CTPS1: variants seen among roughly 807,000 people sequenced by gnomAD.
CTPS1 encodes the protein CTP synthase 1, also known as CTP synthetase 1.
In CTPS1, 25 loss-of-function variants were observed where a neutral mutation model predicts 80.5. That is an observed-to-expected ratio of 0.31 (90% CI 0.23 to 0.43). The LOEUF is 0.43. CTPS1 is among the 20% of genes least tolerant of loss of function. The pLI is 1.00. For missense variants in CTPS1, 442 were observed against 725.7 expected, an observed-to-expected ratio of 0.61 and a Z score of 4.49; for synonymous variants, 267 against 252.5, an observed-to-expected ratio of 1.06 and a Z score of -0.54.
At chr1:40,993,868 TC>T (rs2148401536) in intron 7 of CTPS1, among the ~76,000 whole-genome samples, 1 of 146,196 alleles carries the variant, frequency 6.8e-6, no homozygotes, top group African/African-American at 2.5e-5. Flanking sequence ...CATCTCTGTC[TC>T]CCGTGTTCAA....
At position 41,009,599 on chromosome 1, in the gene CTPS1, C is replaced by T; in HGVS notation, c.1691+10C>T. 1.2e-6 allele frequency: 2 copies of T among 1,613,942 alleles called. No individual in the cohort carries two copies. The highest frequency in any genetic ancestry group is 8.5e-7 in the Non-Finnish European group (1 of 1,179,992). On this transcript the variant is annotated intron_variant, in intron 17 of 18. Transcript: ENST00000650070. The stretch of plus-strand genomic sequence containing the variant: ...GCAGGCTCTCACCCAGGTAGGCGCA[C>T]TCTTTGCTTCAGTAATCCATTAGTC...
intron 9 of CTPS1, among the ~76,000 whole-genome samples, chr1:40,998,414 A>G (rs866449014): frequency 9.9e-5 from 15 of 151,152 alleles, no homozygotes; most frequent in Non-Finnish European, 1.9e-4. Context: ...AAAAAAAAAA[A>G]AAAAAAAACA....
At chr1:40,994,739 C>T (rs974460825) in intron 7 of CTPS1, among the ~76,000 whole-genome samples, 1 of 152,076 alleles carries the variant, frequency 6.6e-6, no homozygotes, top group Non-Finnish European at 1.5e-5. Context: ...CTGAAAGTGG[C>T]CATTCTGGCC....
Position 41,007,882 on chromosome 1 carries a change from A to G in CTPS1, c.1393+337A>G, listed in dbSNP as rs1643075257. ...GCTGATGTTTGGCAATTTTTGTCACACAAAGATGGCAATTTCATATGATTC... is the reference window on the plus strand; with the variant it reads ...GCTGATGTTTGGCAATTTTTGTCACGCAAAGATGGCAATTTCATATGATTC... On this transcript the variant is annotated intron_variant, in intron 14 of 18. Coordinates refer to ENST00000650070, the MANE Select transcript of CTPS1 (RefSeq NM_001905.4). The surrounding 1 kb of genome is among the most constrained non-coding windows in gnomAD (Gnocchi z 4.4). Among the ~76,000 whole-genome samples the G allele has an allele frequency of 6.6e-6, 1 of 152,244 alleles. No individual in the cohort carries two copies. The highest frequency in any genetic ancestry group is 1.5e-5 in the Non-Finnish European group (1 of 68,050).
chr1:40,988,857 T>C, intron 5 of CTPS1, 147 bp downstream of exon 5: 2 of 617,322 alleles, frequency 3.2e-6, no homozygotes, highest in Non-Finnish European at 5.7e-6. Flanking sequence ...TTAAATTTGT[T>C]ACAATCATAC....
intron 1 of CTPS1, chr1:40,980,249 A>T (rs924278922): frequency 6.6e-6 from 1 of 151,846 alleles, no homozygotes; most frequent in Non-Finnish European, 1.5e-5. Context: ...GAAGCCCGGC[A>T]GTCGCCCATC....
intron 3 of CTPS1, among the ~76,000 whole-genome samples, chr1:40,985,871 A>G (rs903049715): frequency 1.3e-5 from 2 of 152,228 alleles, no homozygotes; most frequent in Non-Finnish European, 2.9e-5. Context: ...AGACAATAAC[A>G]ACACCTACCT....
At chr1:40,986,226 G>T (rs1642448685) in intron 3 of CTPS1, among the ~76,000 whole-genome samples, 1 of 152,230 alleles carries the variant, frequency 6.6e-6, no homozygotes. Context: ...AGCCACTTTG[G>T]GCAGGTGGTC....
chr1:40,986,196 A>C, intron 3 of CTPS1, among the ~76,000 whole-genome samples: 1 of 152,248 alleles, frequency 6.6e-6, no homozygotes, highest in East Asian at 1.9e-4. Context: ...AAGTGGAGTG[A>C]GGACAGAGTG....
At chr1:40,997,293 C>T in intron 8 of CTPS1, 101 bp from the exon 9 acceptor site, 1 of 1,405,716 alleles carries the variant, frequency 7.1e-7, no homozygotes, top group Non-Finnish European at 9.7e-7. Context: ...TGAGCTCATC[C>T]TGGCCAGACG....
At position 41,007,626 on chromosome 1, in the gene CTPS1, G is replaced by C; in HGVS notation, c.1393+81G>C. ...TCTTAGGGTGATGCTGTGGCTTCGAGGAGCAGGCTGGCTTTTTTTGGTTTC... is the reference window on the plus strand; with the variant it reads ...TCTTAGGGTGATGCTGTGGCTTCGACGAGCAGGCTGGCTTTTTTTGGTTTC... On this transcript the variant is annotated intron_variant, in intron 14 of 18. Transcript: ENST00000650070. This position sits in a 1 kb window ranked among gnomAD's most constrained non-coding sequence, Gnocchi z 4.4. 8.4e-7 allele frequency: 1 copy of C among 1,188,976 alleles called. No homozygotes were observed. The highest frequency in any genetic ancestry group is 1.2e-6 in the Non-Finnish European group (1 of 815,106). 73.7% of individuals were successfully genotyped at this position (1,188,976 alleles called of 1,614,324 possible).
At chr1:40,991,022 A>G (rs1642594346) in intron 5 of CTPS1, 143 bp from the exon 6 acceptor site, 5 of 653,788 alleles carry the variant, frequency 7.6e-6, no homozygotes, top group African/African-American at 1.9e-5. Flanking sequence ...ATGCATGTGT[A>G]ACTTTGACAA....
chr1:41,003,732 C>T (rs4364871), intron 12 of CTPS1, among the ~76,000 whole-genome samples: 16,893 of 152,256 alleles, frequency 0.11, 1,057 homozygotes, highest in South Asian at 0.19. Flanking sequence ...ATCAGCTCTT[C>T]GCCTAGCTGT....
At chr1:40,984,669 G>T in intron 2 of CTPS1, 152 bp from the exon 3 acceptor site, 1 of 544,036 alleles carries the variant, frequency 1.8e-6, no homozygotes. Context: ...TTTTCTTTTT[G>T]TGTGTCATAT....
intron 12 of CTPS1, among the ~76,000 whole-genome samples, chr1:41,005,518 T>A (rs751453351): frequency 5.9e-5 from 9 of 152,160 alleles, no homozygotes; most frequent in African/African-American, 1.2e-4. Flanking sequence ...GCCATTAGTT[T>A]TGATTTTCCC....
intron 9 of CTPS1, among the ~76,000 whole-genome samples, chr1:41,000,197 C>T (rs563337110): frequency 1.2e-4 from 18 of 151,532 alleles, no homozygotes; most frequent in Admixed American, 9.9e-4. Flanking sequence ...GGGGCACATT[C>T]TGGGAAGATG....
Position 40,994,458 on chromosome 1 carries a change from C to G in CTPS1, c.721-1459C>G, listed in dbSNP as rs545567869. 7.2e-5 allele frequency among the ~76,000 whole-genome samples: 11 copies of G among 152,238 alleles called. No individual in the cohort carries two copies. In the East Asian group the frequency reaches 2.1e-3, roughly 29 times the overall value. Reference sequence around the variant, plus strand: ...TAGCTATTCATAATTTTTATTACTACCGTGTATTTTTAAAAATTATATTTT... The same window carrying G: ...TAGCTATTCATAATTTTTATTACTAGCGTGTATTTTTAAAAATTATATTTT... On this transcript the variant is annotated intron_variant, in intron 7 of 18. Transcript: ENST00000650070.
intron 1 of CTPS1, chr1:40,980,947 C>G (rs77273303): frequency 9.0e-4 from 138 of 152,614 alleles, no homozygotes; most frequent in African/African-American, 2.8e-3. Context: ...TGCAGTCAGT[C>G]CTTCAAGGCC....
intron 16 of CTPS1, 63 bp from the exon 17 acceptor site, chr1:41,009,382 G>C: frequency 6.9e-7 from 1 of 1,454,562 alleles, no homozygotes; most frequent in Non-Finnish European, 9.2e-7. Flanking sequence ...AGCAGATTTT[G>C]TTCTTTTACA....
Sources: gnomAD v4.1 joint callset for allele counts (sites outside exome capture counted in the v4.1 genomes callset) on GRCh38, gnomAD v4.1.1 for gene constraint, Gnocchi (gnomAD v3.1) non-coding constraint, MANE v1.5 for transcripts, NCBI Gene and HGNC (gene_info 2026-07-23, HGNC 2026-07-21) for gene names.